CBR4: variants seen among roughly 807,000 people sequenced by gnomAD.
CBR4 encodes 3-oxoacyl-[acyl-carrier-protein] reductase.
A neutral mutation model predicts 21.0 loss-of-function variants in CBR4; 22 were observed. The observed-to-expected ratio is 1.05, with a 90% CI of 0.75 to 1.50. The LOEUF (loss-of-function observed/expected upper bound fraction) is 1.50. Ranked by LOEUF, CBR4 falls within the 40% of genes most tolerant of loss-of-function variation. The pLI is 0.00. For missense variants in CBR4, 302 were observed against 286.3 expected, an observed-to-expected ratio of 1.05 and a Z score of -0.40; for synonymous variants, 100 against 104.4, an observed-to-expected ratio of 0.96 and a Z score of 0.26.
intron 2 of CBR4, among the ~76,000 whole-genome samples, chr4:168,943,282 C>G (rs1034014880): frequency 5.9e-5 from 9 of 152,148 alleles, no homozygotes; most frequent in African/African-American, 1.9e-4. Context: ...CCTCTGCAAC[C>G]CCAGCCCTGT....
At chr4:168,942,400 A>AT (rs1389029183) in intron 2 of CBR4, among the ~76,000 whole-genome samples, 1 of 152,108 alleles carries the variant, frequency 6.6e-6, no homozygotes, top group African/African-American at 2.4e-5. Flanking sequence ...TTAAAGTACA[A>AT]TTTAAAAAAA....
At chr4:168,996,062 G>A (rs558608258) in intron 4 of CBR4, among the ~76,000 whole-genome samples, 39 of 152,094 alleles carry the variant, frequency 2.6e-4, no homozygotes, top group Non-Finnish European at 5.1e-4. Context: ...AGAAGATAAG[G>A]GTGTGATTTA....
chr4:169,008,436 A>AT (rs1441448059), intron 1 of CBR4, among the ~76,000 whole-genome samples: 8 of 152,238 alleles, frequency 5.3e-5, no homozygotes, highest in African/African-American at 1.9e-4. Flanking sequence ...GTAATCTACC[A>AT]TTTTAATACT....
At chr4:168,945,902 T>C (rs996124975) in intron 2 of CBR4, among the ~76,000 whole-genome samples, 7 of 152,144 alleles carry the variant, frequency 4.6e-5, no homozygotes, top group African/African-American at 1.7e-4. Flanking sequence ...GGCACTAACT[T>C]ACAGCAGACC....
At position 168,928,346 on chromosome 4, in the gene CBR4, A is replaced by G. The variant is rs886059220; in HGVS notation, n.170-33581T>C. 11 of 137,672 alleles carry G rather than the reference A, an allele frequency of 8.0e-5. No homozygotes were observed. The East Asian group carries it at 1.1e-3, about 13-fold the overall frequency. 8.5% of individuals were successfully genotyped at this position (137,672 alleles called of 1,614,324 possible). A position where few individuals can be genotyped will look rare whatever the true frequency, so the allele number is the denominator to read the frequency against. On this transcript the variant is annotated intron_variant and non_coding_transcript_variant, in intron 2 of 3. Coordinates refer to the CBR4 transcript ENST00000509108. The stretch of plus-strand genomic sequence containing the variant: ...ATTTATAAAAAAAAAAGTACTATCA[A>G]TCAATCATACTACTTTGGATTGTTG...
intron 1 of CBR4, among the ~76,000 whole-genome samples, chr4:169,009,673 T>C (rs1003466905): frequency 6.6e-6 from 1 of 152,222 alleles, no homozygotes. Flanking sequence ...AGGGTGCGTA[T>C]AGCGGGGCCT....
intron 2 of CBR4, among the ~76,000 whole-genome samples, chr4:168,913,329 G>T (rs1759425594): frequency 6.6e-6 from 1 of 151,988 alleles, no homozygotes; most frequent in Non-Finnish European, 1.5e-5. Context: ...AGTAGAGACG[G>T]GGTTTCACCA....
At chr4:168,964,546 G>C (rs1023020120) in intron 2 of CBR4, among the ~76,000 whole-genome samples, 1 of 152,108 alleles carries the variant, frequency 6.6e-6, no homozygotes, top group African/African-American at 2.4e-5. Flanking sequence ...TCATATCAAA[G>C]AAACCCAGCC....
intron 2 of CBR4, among the ~76,000 whole-genome samples, chr4:168,952,022 A>T (rs1449392754): frequency 1.3e-5 from 2 of 152,194 alleles, no homozygotes; most frequent in East Asian, 3.8e-4. Context: ...CCAAATTTTT[A>T]GATTTCTCTT....
chr4:168,988,377 A>G lies in CBR4; in HGVS notation c.*1773T>C. ...TATAACCTACATCTTAATGTCAGCA[A>G]AACATACTGCTTTCTACCCAAATCA... On this transcript the variant is annotated 3_prime_UTR_variant, in exon 5 of 5. Transcript: ENST00000306193. The G allele has an allele frequency of 2.0e-6, 2 of 985,458 alleles. No individual in the cohort carries two copies. Among genetic ancestry groups the G allele is most frequent in the Non-Finnish European group, 2.4e-6 (2 of 829,934 alleles). 61.0% of individuals were successfully genotyped at this position (985,458 alleles called of 1,614,324 possible).
At chr4:168,907,825 G>A (rs1162642268) in intron 2 of CBR4, among the ~76,000 whole-genome samples, 1 of 151,824 alleles carries the variant, frequency 6.6e-6, no homozygotes, top group African/African-American at 2.4e-5. Context: ...AACTACTCTG[G>A]GTCTATCAAA....
At chr4:168,918,585 G>C (rs535726735) in intron 2 of CBR4, among the ~76,000 whole-genome samples, 71 of 152,204 alleles carry the variant, frequency 4.7e-4, no homozygotes, top group Middle Eastern at 3.4e-3. Flanking sequence ...TTTCAGACAG[G>C]AAGAATAAGT....
chr4:168,960,213 G>GAAAAAAAAAAAAA, intron 2 of CBR4, among the ~76,000 whole-genome samples: 1 of 152,106 alleles, frequency 6.6e-6, no homozygotes, highest in Non-Finnish European at 1.5e-5. Flanking sequence ...ATTTCTACAT[G>GAAAAAAAAAAAAA]GAATTATTAT....
chr4:168,963,748 A>G (rs1763932878), intron 2 of CBR4, among the ~76,000 whole-genome samples: 1 of 151,992 alleles, frequency 6.6e-6, no homozygotes, highest in Admixed American at 6.6e-5. Context: ...GGGAGGCATG[A>G]GCCACCGCGC....
chr4:168,953,462 G>A (rs757702488), intron 2 of CBR4, among the ~76,000 whole-genome samples: 35 of 151,682 alleles, frequency 2.3e-4, no homozygotes, highest in Non-Finnish European at 4.1e-4. Context: ...GTCTCATTCC[G>A]TTGCCTTTGC....
intron 2 of CBR4, among the ~76,000 whole-genome samples, chr4:168,975,020 T>G (rs866494890): frequency 6.6e-6 from 1 of 152,330 alleles, no homozygotes; most frequent in Middle Eastern, 3.4e-3. Context: ...TCTGATTTCT[T>G]CTCATTTGGG....
At chr4:168,928,022 T>C (rs1049835766) in intron 2 of CBR4, 10 of 195,602 alleles carry the variant, frequency 5.1e-5, no homozygotes, top group African/African-American at 2.3e-4. Context: ...TATTACTGTT[T>C]CACATGTACA....
chr4:168,925,167 T>G (rs769007683), intron 2 of CBR4: 8 of 1,582,564 alleles, frequency 5.1e-6, no homozygotes, highest in African/African-American at 1.3e-5. Context: ...TTACTCTTTA[T>G]AAACAACTAT....
At chr4:168,975,435 G>A (rs2126768130) in intron 2 of CBR4, among the ~76,000 whole-genome samples, 1 of 152,332 alleles carries the variant, frequency 6.6e-6, no homozygotes, top group African/African-American at 2.4e-5. Flanking sequence ...GTTAGCTAGG[G>A]TGTGCAGGTG....
Sources: allele counts gnomAD v4.1 joint callset (sites outside exome capture counted in the v4.1 genomes callset), GRCh38; gene constraint gnomAD v4.1.1; transcripts MANE v1.5; gene names NCBI Gene and HGNC (gene_info 2026-07-23, HGNC 2026-07-21).